The following CCDC146 variants were observed in gnomAD, a reference collection of about 807,000 sequenced individuals.
CCDC146 encodes the protein coiled-coil domain containing 146.
Under a neutral mutation model 119.3 loss-of-function variants are expected in CCDC146, and 92 were observed. That is an observed-to-expected ratio of 0.77 (90% CI 0.65 to 0.92). The LOEUF (loss-of-function observed/expected upper bound fraction) is 0.92. Among genes scored for constraint, CCDC146 ranks in the 40% least tolerant of loss-of-function variants. The probability of loss-of-function intolerance (pLI) is 0.00; values close to 1 mark genes in which losing one functional copy is unlikely to be tolerated. For synonymous variants in CCDC146, 372 were observed against 371.8 expected, an observed-to-expected ratio of 1.00 and a Z score of -0.01; for missense variants, 1,000 against 1,103.0, an observed-to-expected ratio of 0.91 and a Z score of 1.32.
At chr7:77,156,503 AT>A (rs1416755831) in intron 1 of CCDC146, among the ~76,000 whole-genome samples, 7 of 151,960 alleles carry the variant, frequency 4.6e-5, no homozygotes, top group Non-Finnish European at 8.8e-5. Flanking sequence ...TTTGAATAAC[AT>A]TTTTACTTTC....
At chr7:77,246,835 C>T (rs1792959523) in intron 4 of CCDC146, among the ~76,000 whole-genome samples, 1 of 152,064 alleles carries the variant, frequency 6.6e-6, no homozygotes, top group Admixed American at 6.6e-5. Flanking sequence ...ATTTGTACAA[C>T]AAAAATCACA....
intron 1 of CCDC146, among the ~76,000 whole-genome samples, chr7:77,143,614 C>T (rs1358108268): frequency 6.6e-6 from 1 of 151,894 alleles, no homozygotes; most frequent in African/African-American, 2.4e-5. Flanking sequence ...GGAAGGGATC[C>T]AGTTTCAGGT....
At position 77,141,270 on chromosome 7, in the gene CCDC146, T is replaced by C. The variant is rs1392198898; in HGVS notation, c.-12+18538T>C. On this transcript the variant is annotated intron_variant, in intron 1 of 18. Transcript: ENST00000285871. Reference sequence around the variant, plus strand: ...GAACTCATCCTTTTTTATGGCTGCATAGTATTCCATGTTGTGTATGTGCAC... The same window carrying C: ...GAACTCATCCTTTTTTATGGCTGCACAGTATTCCATGTTGTGTATGTGCAC... 2.6e-5 allele frequency among the ~76,000 whole-genome samples: 4 copies of C among 152,234 alleles called. No individual in the cohort carries two copies. The East Asian group carries it at 5.8e-4, about 22-fold the overall frequency.
chr7:77,266,476 G>T (rs1793404642), intron 9 of CCDC146, among the ~76,000 whole-genome samples: 1 of 152,094 alleles, frequency 6.6e-6, no homozygotes, highest in Non-Finnish European at 1.5e-5. Flanking sequence ...TGGGATTATT[G>T]CAAAAAATGA....
intron 3 of CCDC146, 83 bp from the exon 4 acceptor site, chr7:77,241,608 A>C (rs1267071487): frequency 2.7e-6 from 3 of 1,127,766 alleles, no homozygotes; most frequent in Non-Finnish European, 4.0e-6. Context: ...AGTGGGGAGC[A>C]GCTATCCTCA....
At chr7:77,184,947 A>G (rs1791641111) in intron 2 of CCDC146, among the ~76,000 whole-genome samples, 1 of 152,200 alleles carries the variant, frequency 6.6e-6, no homozygotes, top group Admixed American at 6.6e-5. Flanking sequence ...ACAGAAAGTC[A>G]TGGGGGGATG....
At chr7:77,129,426 G>A (rs1040165945) in intron 1 of CCDC146, among the ~76,000 whole-genome samples, 2 of 151,964 alleles carry the variant, frequency 1.3e-5, no homozygotes, top group Non-Finnish European at 2.9e-5. Flanking sequence ...GAGTGAAAAA[G>A]TGAAACATTC....
chr7:77,287,041 A>C, intron 16 of CCDC146, 115 bp downstream of exon 16: 1 of 1,104,858 alleles, frequency 9.1e-7, no homozygotes. Context: ...TATTCTAGTC[A>C]CTAATATAGT....
intron 2 of CCDC146, among the ~76,000 whole-genome samples, chr7:77,200,707 T>C (rs1791972259): frequency 6.6e-6 from 1 of 152,252 alleles, no homozygotes; most frequent in African/African-American, 2.4e-5. Flanking sequence ...CTACCTGCTC[T>C]CTGGGCCACT....
chr7:77,142,864 G>A (rs1181857515), intron 1 of CCDC146, among the ~76,000 whole-genome samples: 4 of 151,730 alleles, frequency 2.6e-5, no homozygotes, highest in African/African-American at 9.8e-5. Context: ...GAATAGGGCT[G>A]CAATAAACAT....
intron 15 of CCDC146, among the ~76,000 whole-genome samples, chr7:77,283,590 A>C (rs1793800291): frequency 6.6e-6 from 1 of 152,168 alleles, no homozygotes; most frequent in Non-Finnish European, 1.5e-5. Flanking sequence ...AAAGTATAAA[A>C]ATTATAAAGA....
chr7:77,182,438 C>T lies in CCDC146; in HGVS notation c.156+14614C>T, dbSNP rs138905153. Among the ~76,000 whole-genome samples, 1,081 of 152,186 alleles carry T rather than the reference C, an allele frequency of 7.1e-3. 17 individuals are homozygous for T. Among genetic ancestry groups the T allele is most frequent in the African/African-American group, 0.024 (982 of 41,538 alleles). On this transcript the variant is annotated intron_variant, in intron 2 of 18. Transcript: ENST00000285871. ...ATTGTTTTACCATCTTATAAAATTG[C>T]TTTTATCACTTTTTCCCAGTGGCAG...
At chr7:77,255,031 T>C (rs1562849534) in intron 5 of CCDC146, among the ~76,000 whole-genome samples, 1 of 152,216 alleles carries the variant, frequency 6.6e-6, no homozygotes, top group Admixed American at 6.5e-5. Context: ...TGGTCTGAGC[T>C]GGCCGAATTG....
intron 4 of CCDC146, among the ~76,000 whole-genome samples, chr7:77,251,364 A>G (rs1301818514): frequency 6.6e-6 from 1 of 151,994 alleles, no homozygotes; most frequent in African/African-American, 2.4e-5. Context: ...CCTTCTCTCT[A>G]CTTAAACTGC....
At chr7:77,160,948 C>G (rs893268035) in intron 1 of CCDC146, among the ~76,000 whole-genome samples, 3 of 152,160 alleles carry the variant, frequency 2.0e-5, no homozygotes, top group African/African-American at 7.2e-5. Flanking sequence ...AAGAAAAAAA[C>G]AAACAACCCC....
Position 77,294,764 on chromosome 7 carries a change from T to C in CCDC146, c.2766T>C (p.Pro922=), listed in dbSNP as rs1235086215. 6.2e-7 allele frequency: 1 copy of C among 1,614,174 alleles called. No homozygotes were observed. Among genetic ancestry groups the C allele is most frequent in the Admixed American group, 1.7e-5 (1 of 60,020 alleles). The change falls in exon 19 of 19, where the codon CCT becomes CCC. Residue 922 remains proline, a synonymous_variant. Transcript: ENST00000285871. ...TCCCAGAAGCAGATGCCACTCTTCC[T>C]TTGCCAAAACCTTATGGTGCTTTGG... The part of the protein sequence containing the change: ...AYIPEADATL[P]LPKPYGALAP...
At chr7:77,231,815 GTTGT>G (rs953427273) in intron 2 of CCDC146, among the ~76,000 whole-genome samples, 1 of 140,182 alleles carries the variant, frequency 7.1e-6, no homozygotes, top group Non-Finnish European at 1.6e-5. Context: ...GCCTGTTGTT[GTTGT>G]TTTTTTTTTT....
rs747364595 is a variant in CCDC146, at chr7:77,256,514, G to A, written c.684+5G>A. The A allele has an allele frequency of 2.5e-6, 4 of 1,593,956 alleles. No homozygotes were observed. Among genetic ancestry groups the A allele is most frequent in the Non-Finnish European group, 3.4e-6 (4 of 1,173,906 alleles). ...GGACATCAGGTCGTCCTAAAGGTGT[G>A]CTACTTACCGTTGATATTTAAACAT... On this transcript the variant is annotated splice_donor_5th_base_variant and intron_variant, in intron 6 of 18. Transcript: ENST00000285871.
At chr7:77,253,628 A>G (rs1793121322) in intron 4 of CCDC146, among the ~76,000 whole-genome samples, 1 of 152,246 alleles carries the variant, frequency 6.6e-6, no homozygotes, top group Non-Finnish European at 1.5e-5. Flanking sequence ...TAAGACAATG[A>G]TGATGCAGTG....
Sources: allele counts gnomAD v4.1 joint callset (sites outside exome capture counted in the v4.1 genomes callset), GRCh38; gene constraint gnomAD v4.1.1; transcripts MANE v1.5; gene names NCBI Gene and HGNC (gene_info 2026-07-23, HGNC 2026-07-21).